Variants in SLC12A9 observed in about 807,000 individuals in gnomAD.
The protein encoded by SLC12A9 is solute carrier family 12 member 9.
Under a neutral mutation model 66.0 loss-of-function variants are expected in SLC12A9, and 55 were observed. The observed-to-expected ratio is 0.83, with a 90% CI of 0.67 to 1.04. The LOEUF is 1.04. Among genes scored for constraint, SLC12A9 ranks in the 50% least tolerant of loss-of-function variants. SLC12A9 has a pLI of 0.00. For synonymous variants in SLC12A9, 577 were observed against 569.0 expected (o/e 1.01, Z -0.20); for missense variants, 1,061 against 1,241.9 (o/e 0.85, Z 2.19).
intron 13 of SLC12A9, among the ~76,000 whole-genome samples, chr7:100,863,045 G>GGTTTTTT (rs951300426): frequency 6.7e-6 from 1 of 149,534 alleles, no homozygotes; most frequent in Non-Finnish European, 1.5e-5. Context: ...CGATGTTGTG[G>GGTTTTTT]GTTTTTTTTC....
At chr7:100,858,760 G>A in intron 5 of SLC12A9, 75 bp from the exon 6 acceptor site, 1 of 1,404,746 alleles carries the variant, frequency 7.1e-7, no homozygotes, top group Non-Finnish European at 1.0e-6. Flanking sequence ...GGGAATGTGT[G>A]GAGAGGGTGG....
In SLC12A9 at chr7:100,861,882, T is replaced by G; in HGVS notation, c.1682T>G (p.Val561Gly). The change falls in exon 12 of 14, where the codon GTG becomes GGG. Residue 561 changes from valine to glycine, a missense_variant. Physicochemically the swap from Val to Gly is moderately radical, Grantham distance 109. Coordinates refer to ENST00000354161, the MANE Select transcript of SLC12A9 (RefSeq NM_020246.4). This position sits in a 1 kb window ranked among gnomAD's most constrained non-coding sequence, Gnocchi z 5.3. The stretch of plus-strand genomic sequence containing the variant: ...CAGCTTAAGAAGGGGGGGCTGTATG[T>G]GCTGGGCCACGTCACCCTGGGAGAC... ...ANQLKKGGLY[V>G]LGHVTLGDLD... is the part of the protein sequence containing the mutation. 6.2e-7 allele frequency: 1 copy of G among 1,611,624 alleles called. No homozygotes were observed. Among genetic ancestry groups the G allele is most frequent in the Non-Finnish European group, 8.5e-7 (1 of 1,178,642 alleles).
chr7:100,866,376 C>T lies in SLC12A9; in HGVS notation c.2516C>T (p.Ala839Val). Residue 839 changes from alanine (A) to valine (V), a missense_variant, in exon 14 of 14, where the codon GCC becomes GTC. Coordinates refer to ENST00000354161, the MANE Select transcript of SLC12A9 (RefSeq NM_020246.4). The surrounding 1 kb of genome is among the most constrained non-coding windows in gnomAD (Gnocchi z 7.3). Reference protein sequence around the residue: ...EAEALARSANALVRAQQGRGT... With the variant: ...EAEALARSANVLVRAQQGRGT... ...GAGGCCCTGGCACGCAGCGCCAACGCCCTGGTTCGGGCCCAGCAGGGGCGC... is the reference window on the plus strand; with the variant it reads ...GAGGCCCTGGCACGCAGCGCCAACGTCCTGGTTCGGGCCCAGCAGGGGCGC... 2.0e-6 allele frequency: 3 copies of T among 1,523,246 alleles called. No individual in the cohort carries two copies. Among genetic ancestry groups the T allele is most frequent in the Non-Finnish European group, 2.6e-6 (3 of 1,132,526 alleles). 94.4% of individuals were successfully genotyped at this position (1,523,246 alleles called of 1,614,324 possible).
intron 5 of SLC12A9, chr7:100,858,464 C>T (rs1234776807): frequency 5.4e-6 from 1 of 186,410 alleles, no homozygotes; most frequent in Non-Finnish European, 1.1e-5. Flanking sequence ...GTGGTGCACA[C>T]CTGTAGTCCC....
At position 100,865,724 on chromosome 7, in the gene SLC12A9, A is replaced by G. The variant is rs774442283; in HGVS notation, c.1864A>G (p.Met622Val). 1.9e-6 allele frequency: 3 copies of G among 1,606,596 alleles called. No individual in the cohort carries two copies. The highest frequency in any genetic ancestry group is 3.4e-5 in the Admixed American group (2 of 59,352). Residue 622 changes from methionine (M) to valine (V), a missense_variant, in exon 14 of 14, where the codon ATG (methionine) becomes GTG (valine). Transcript: ENST00000354161. The stretch of plus-strand genomic sequence containing the variant: ...CTTCCCCGCTCTGCCCCCAGGTGGC[A>G]TGAAGCCCAACACGTTGGTCCTAGG... ...HLLRISGLGGMKPNTLVLGFY... is the reference protein window; with the variant it reads ...HLLRISGLGGVKPNTLVLGFY...
At chr7:100,839,274 A>T (rs1010790559) in intron 1 of SLC12A9, among the ~76,000 whole-genome samples, 3 of 151,906 alleles carry the variant, frequency 2.0e-5, no homozygotes, top group African/African-American at 7.3e-5. Flanking sequence ...CAGTGAGCCG[A>T]GATCACGCCA....
upstream of SLC12A9, among the ~76,000 whole-genome samples, chr7:100,848,083 CA>C (rs36071720): frequency 0.011 from 467 of 43,920 alleles, no homozygotes; most frequent in Middle Eastern, 0.022. Context: ...GACTCCATCT[CA>C]AAAAAAAAAA....
At chr7:100,865,670 C>T (rs746269898) in intron 13 of SLC12A9, 49 bp from the exon 14 acceptor site, 2 of 1,566,638 alleles carry the variant, frequency 1.3e-6, no homozygotes, top group East Asian at 4.5e-5. Flanking sequence ...TAAACTTAGC[C>T]TGTGAGCCTG....
intron 1 of SLC12A9, among the ~76,000 whole-genome samples, chr7:100,829,346 G>A (rs550075824): frequency 3.3e-5 from 5 of 152,200 alleles, no homozygotes; most frequent in African/African-American, 7.2e-5. Flanking sequence ...CAAGAGAGAC[G>A]TTGGAGTCCA....
At chr7:100,829,935 C>T (rs1210966980) in intron 1 of SLC12A9, among the ~76,000 whole-genome samples, 5 of 150,692 alleles carry the variant, frequency 3.3e-5, no homozygotes, top group East Asian at 2.0e-4. Context: ...GGCTGAGGCA[C>T]GAGAATCGCT....
In SLC12A9 at chr7:100,860,046, G is replaced by A; in HGVS notation, c.1135+4G>A. The A allele has an allele frequency of 6.2e-7, 1 of 1,614,098 alleles. No homozygotes were observed. The highest frequency in any genetic ancestry group is 1.1e-5 in the South Asian group (1 of 91,084). ...CTGGCCCGGGATGACCTCTTTGGTG[G>A]GTTCTCTGCCTCCTTGCTGGCTTGG... On this transcript the variant is annotated splice_donor_region_variant and intron_variant, in intron 8 of 13. Coordinates refer to ENST00000354161, the MANE Select transcript of SLC12A9 (RefSeq NM_020246.4).
intron 1 of SLC12A9, among the ~76,000 whole-genome samples, chr7:100,835,558 G>C (rs763939851): frequency 6.6e-6 from 1 of 151,588 alleles, no homozygotes; most frequent in East Asian, 1.9e-4. Flanking sequence ...GCTGAGGCAG[G>C]AGAATCGCTT....
intron 2 of SLC12A9, 91 bp downstream of exon 2, chr7:100,854,469 AG>A: frequency 6.3e-7 from 1 of 1,586,914 alleles, no homozygotes; most frequent in Non-Finnish European, 8.6e-7. Context: ...AAGATTAGGA[AG>A]GGGACCCAAG....
At chr7:100,835,355 TA>T (rs57845433) in intron 1 of SLC12A9, among the ~76,000 whole-genome samples, 337 of 122,526 alleles carry the variant, frequency 2.8e-3, no homozygotes, top group African/African-American at 3.9e-3. Context: ...GCTCTGTCTT[TA>T]AAAAAAAAAA....
upstream of SLC12A9, among the ~76,000 whole-genome samples, chr7:100,851,436 T>C (rs1301099776): frequency 6.6e-6 from 1 of 151,376 alleles, no homozygotes; most frequent in Non-Finnish European, 1.5e-5. Context: ...TTTTTTTTTT[T>C]TTTTTGAGAC....
At chr7:100,829,325 T>A (rs1051675350) in intron 1 of SLC12A9, among the ~76,000 whole-genome samples, 1 of 151,974 alleles carries the variant, frequency 6.6e-6, no homozygotes, top group Non-Finnish European at 1.5e-5. Context: ...AAGAGAGACG[T>A]TGGAGCCCAG....
chr7:100,846,523 C>T (rs1217123163), intron 1 of SLC12A9, among the ~76,000 whole-genome samples: 4 of 151,548 alleles, frequency 2.6e-5, no homozygotes, highest in Non-Finnish European at 5.9e-5. Flanking sequence ...GCCGAGATCG[C>T]GCCACTGCAC....
chr7:100,826,962 C>CA (rs1554421537), exon 1 of SLC12A9: 2 of 1,527,346 alleles, frequency 1.3e-6, no homozygotes, highest in Non-Finnish European at 1.8e-6. Context: ...TGCGCCCCCC[C>CA]CCGCAAGGAA....
At chr7:100,865,441 G>A (rs1000627721) in intron 13 of SLC12A9, 40 of 1,535,972 alleles carry the variant, frequency 2.6e-5, no homozygotes, top group Non-Finnish European at 3.4e-5. Context: ...CCATAGAATT[G>A]GAGTGCTCAT....
Sources: gnomAD v4.1 joint callset for allele counts (sites outside exome capture counted in the v4.1 genomes callset) on GRCh38, gnomAD v4.1.1 for gene constraint, Gnocchi (gnomAD v3.1) non-coding constraint, MANE v1.5 for transcripts, NCBI Gene and HGNC (gene_info 2026-07-23, HGNC 2026-07-21) for gene names.